Variants in BRAT1 observed in about 807,000 individuals in gnomAD.
BRAT1 encodes the protein integrator complex assembly factor BRAT1.
In BRAT1, 74 loss-of-function variants were observed where a neutral mutation model predicts 70.6. The ratio of observed to expected loss-of-function variants is 1.05; its 90% CI spans 0.87 to 1.27. The LOEUF is 1.27. BRAT1 is among the 50% of genes most tolerant of loss of function. The probability of loss-of-function intolerance (pLI) is 0.00; values close to 1 mark genes in which losing one functional copy is unlikely to be tolerated. For missense variants in BRAT1, 1,203 were observed against 1,098.2 expected, an observed-to-expected ratio of 1.10 and a Z score of -1.35; for synonymous variants, 615 against 517.1, an observed-to-expected ratio of 1.19 and a Z score of -2.57.
intron 11 of BRAT1, 57 bp downstream of exon 11, chr7:2,539,705 AGCTGAGCCATTCCACCCAGCCCCT>A: frequency 6.4e-7 from 1 of 1,550,536 alleles, no homozygotes; most frequent in Non-Finnish European, 8.8e-7. Context: ...CCTCAGAGCC[AGCTGAGCCATTCCACCCAGCCCCT>A]GCTGCCTCCA....
Position 2,543,907 on chromosome 7 carries a change from C to T in BRAT1, c.486G>A (p.Ser162=), listed in dbSNP as rs777183887. The change falls in exon 5 of 14, where the codon TCG becomes TCA. Residue 162 remains serine, a synonymous_variant. Coordinates refer to ENST00000340611, the MANE Select transcript of BRAT1 (RefSeq NM_152743.4). The surrounding 1 kb of genome is among the most constrained non-coding windows in gnomAD (Gnocchi z 5.5). ...CGTGCACCAGGAGCTGACTGGCCGC[C>T]GAGGCCACAAACAGGCTGGAGTCTC... is the stretch of plus-strand genomic sequence containing the variant. ...LQGDSSLFVA[S]AASQLLVHVL... The T allele has an allele frequency of 1.5e-5, 24 of 1,606,166 alleles. No homozygotes were observed. Among genetic ancestry groups the T allele is most frequent in the Middle Eastern group, 1.7e-4 (1 of 6,034 alleles).
At chr7:2,542,089 C>G (rs1779216610) in intron 7 of BRAT1, 31 bp downstream of exon 7, 2 of 1,475,518 alleles carry the variant, frequency 1.4e-6, no homozygotes, top group Non-Finnish European at 1.8e-6. Context: ...GACCCAGGTT[C>G]TGCCCTCCCA....
At position 2,538,612 on chromosome 7, in the gene BRAT1, C is replaced by T. The variant is rs2917726; in HGVS notation, c.1923G>A (p.Ala641=). The T allele has an allele frequency of 0.059, 93,572 of 1,597,516 alleles. 4,204 individuals are homozygous for T. Among genetic ancestry groups the T allele is most frequent in the East Asian group, 0.27 (12,199 of 44,764 alleles). Residue 641 remains alanine (A), a synonymous_variant, in exon 14 of 14, where the codon GCG becomes GCA. Transcript: ENST00000340611. Reference sequence around the variant, plus strand: ...CCTCCCAGTCCAGGTCTCGGCTCGCCGCCTGCAGCACAGTGGCCACGAACT... The same window carrying T: ...CCTCCCAGTCCAGGTCTCGGCTCGCTGCCTGCAGCACAGTGGCCACGAACT... The part of the protein sequence containing the change: ...TEQFVATVLQ[A]ASRDLDWEVR...
At chr7:2,544,763 C>T in intron 4 of BRAT1, 146 bp downstream of exon 4, 1 of 1,306,142 alleles carries the variant, frequency 7.7e-7, no homozygotes, top group Non-Finnish European at 1.0e-6. Flanking sequence ...CCAGAGAACA[C>T]TGGACAGCCG....
At chr7:2,552,568 A>G (rs922861404) in intron 2 of BRAT1, among the ~76,000 whole-genome samples, 20 of 152,146 alleles carry the variant, frequency 1.3e-4, no homozygotes, top group Middle Eastern at 3.4e-3. Context: ...CTTAAAAAAA[A>G]AAATACAATA....
chr7:2,541,299 T>C lies in BRAT1; in HGVS notation c.1320A>G (p.Thr440=). 4 of 1,587,454 alleles carry C rather than the reference T, an allele frequency of 2.5e-6. No homozygotes were observed. Among genetic ancestry groups the C allele is most frequent in the Non-Finnish European group, 3.4e-6 (4 of 1,170,938 alleles). Residue 440 remains threonine, a splice_region_variant and synonymous_variant, in exon 9 of 14, where the codon ACA becomes ACG. Transcript: ENST00000340611. Reference sequence around the variant, plus strand: ...CAAAGCCGTACAGAACACACTCACCTGTCCCCTGTGACAGCGTCCCCAGGA... The same window carrying C: ...CAAAGCCGTACAGAACACACTCACCCGTCCCCTGTGACAGCGTCCCCAGGA... ...LDFLGTLSQG[T]GPQELVTQAL...
At chr7:2,542,629 C>T (rs532943143) in intron 6 of BRAT1, 136 of 222,754 alleles carry the variant, frequency 6.1e-4, no homozygotes, top group African/African-American at 2.5e-3. Flanking sequence ...GCCTGTTCCT[C>T]CATCCTCCCC....
Position 2,538,230 on chromosome 7 carries a change from G to A in BRAT1, c.2305C>T (p.Pro769Ser). ...CTGAGCATGGCCAGCACAGCCTCAG[G>A]CTCCTGGTCCCCTGGGGGCTGGGCC... is the stretch of plus-strand genomic sequence containing the variant. ...EQAQPPGDQE[P>S]EAVLAMLRSL... Residue 769 changes from proline to serine, a missense_variant, in exon 14 of 14, where the codon CCT becomes TCT. Transcript: ENST00000340611. 6.2e-7 allele frequency: 1 copy of A among 1,609,592 alleles called. No homozygotes were observed. The highest frequency in any genetic ancestry group is 8.5e-7 in the Non-Finnish European group (1 of 1,178,328).
chr7:2,547,076 C>A (rs927332221), intron 3 of BRAT1, among the ~76,000 whole-genome samples: 1 of 150,204 alleles, frequency 6.7e-6, no homozygotes, highest in South Asian at 2.1e-4. Context: ...CTGGTCAGAG[C>A]TGGGAGCCCG....
intron 6 of BRAT1, 66 bp from the exon 7 acceptor site, chr7:2,542,277 G>C: frequency 7.4e-7 from 1 of 1,358,226 alleles, no homozygotes; most frequent in Non-Finnish European, 1.0e-6. Context: ...TGCTCCTAAT[G>C]TCCCCAGCAA....
chr7:2,554,918 G>C (rs371149923), intron 1 of BRAT1, among the ~76,000 whole-genome samples: 2 of 152,278 alleles, frequency 1.3e-5, no homozygotes, highest in Non-Finnish European at 2.9e-5. Context: ...TTGACGTCCT[G>C]AAGCCAGCAG....
chr7:2,543,975 T>C lies in BRAT1; in HGVS notation c.431-13A>G. 1 of 1,503,356 alleles carries C rather than the reference T, an allele frequency of 6.7e-7. No individual in the cohort carries two copies. Among genetic ancestry groups the C allele is most frequent in the Non-Finnish European group, 8.9e-7 (1 of 1,117,840 alleles). 93.1% of individuals were successfully genotyped at this position (1,503,356 alleles called of 1,614,324 possible). A position where few individuals can be genotyped will look rare whatever the true frequency, so the allele number is the denominator to read the frequency against. Reference sequence around the variant, plus strand: ...GTGTCGACCGCACCTGGGTAGGGGATGGGGGAAGAGAGGGAAAAGGGGGTG... The same window carrying C: ...GTGTCGACCGCACCTGGGTAGGGGACGGGGGAAGAGAGGGAAAAGGGGGTG... On this transcript the variant is annotated splice_polypyrimidine_tract_variant and intron_variant, in intron 4 of 13. Transcript: ENST00000340611. The surrounding 1 kb of genome is among the most constrained non-coding windows in gnomAD (Gnocchi z 5.5).
chr7:2,541,972 A>C (rs868792136), intron 7 of BRAT1, 136 bp from the exon 8 acceptor site: 1 of 1,206,172 alleles, frequency 8.3e-7, no homozygotes, highest in Middle Eastern at 2.5e-4. Flanking sequence ...GGAGATGGCC[A>C]TGTCCCCGGT....
chr7:2,539,525 T>C lies in BRAT1; in HGVS notation c.1597+19A>G. 1 of 1,538,034 alleles carries C rather than the reference T, an allele frequency of 6.5e-7. No homozygotes were observed. Among genetic ancestry groups the C allele is most frequent in the Non-Finnish European group, 8.8e-7 (1 of 1,137,552 alleles). ...CCCCACAGGCGGGGAAGGCAGCCCCTCCACCTGCCAGCACTCACCTCCCCA... is the reference window on the plus strand; with the variant it reads ...CCCCACAGGCGGGGAAGGCAGCCCCCCCACCTGCCAGCACTCACCTCCCCA... On this transcript the variant is annotated intron_variant, in intron 12 of 13. Coordinates refer to ENST00000340611, the MANE Select transcript of BRAT1 (RefSeq NM_152743.4).
intron 2 of BRAT1, among the ~76,000 whole-genome samples, chr7:2,549,735 A>T (rs1779862966): frequency 6.6e-6 from 1 of 152,364 alleles, no homozygotes; most frequent in South Asian, 2.1e-4. Flanking sequence ...TTCTAAAAGC[A>T]ATAAAATGCA....
At position 2,543,775 on chromosome 7, in the gene BRAT1, C is replaced by T; in HGVS notation, c.618G>A (p.Leu206=). Reference sequence around the variant, plus strand: ...TGACCTTGGGGGTGGCCGCGGAGCACAAGGACTCTTCAACGTGATCCATGA... The same window carrying T: ...TGACCTTGGGGGTGGCCGCGGAGCATAAGGACTCTTCAACGTGATCCATGA... ...QKIMDHVEES[L]CSAATPKVTQ... Residue 206 remains leucine (L), a synonymous_variant, in exon 5 of 14, where the codon TTG becomes TTA. Transcript: ENST00000340611. The surrounding 1 kb of genome is among the most constrained non-coding windows in gnomAD (Gnocchi z 5.5). 1.2e-6 allele frequency: 2 copies of T among 1,611,726 alleles called. No homozygotes were observed.
chr7:2,552,980 G>C (rs555029526), intron 2 of BRAT1, among the ~76,000 whole-genome samples: 97 of 151,514 alleles, frequency 6.4e-4, no homozygotes, highest in African/African-American at 2.1e-3. Flanking sequence ...TCCAGACCTC[G>C]TGATCTGCCT....
chr7:2,543,287 C>G lies in BRAT1; in HGVS notation c.840G>C (p.Trp280Cys). Residue 280 changes from tryptophan to cysteine, a missense_variant, in exon 6 of 14, where the codon TGG (tryptophan) becomes TGC (cysteine). By Grantham distance (215) the Trp-to-Cys change is radical. Coordinates refer to ENST00000340611, the MANE Select transcript of BRAT1 (RefSeq NM_152743.4). The surrounding 1 kb of genome is among the most constrained non-coding windows in gnomAD (Gnocchi z 5.5). Reference protein sequence around the residue: ...PVFSSSDGSLWETVARALSCL... With the variant: ...PVFSSSDGSLCETVARALSCL... ...AGCTCAGAGCCCGCGCCACTGTCTC[C>G]CACAGGCTGCCGTCGGAAGAACTGA... is the stretch of plus-strand genomic sequence containing the variant. The G allele has an allele frequency of 1.9e-6, 3 of 1,609,430 alleles. No individual in the cohort carries two copies. Among genetic ancestry groups the G allele is most frequent in the Non-Finnish European group, 2.5e-6 (3 of 1,177,838 alleles).
intron 13 of BRAT1, 95 bp downstream of exon 13, chr7:2,539,084 C>T: frequency 6.7e-7 from 1 of 1,495,074 alleles, no homozygotes; most frequent in African/African-American, 1.4e-5. Context: ...CAGCTGCTCC[C>T]ACGCTGCATG....
Sources: allele counts gnomAD v4.1 joint callset (sites outside exome capture counted in the v4.1 genomes callset), GRCh38; gene constraint gnomAD v4.1.1; non-coding constraint Gnocchi (gnomAD v3.1); transcripts MANE v1.5; gene names NCBI Gene and HGNC (gene_info 2026-07-23, HGNC 2026-07-21).